The following PDHX variants were observed in gnomAD, a reference collection of about 807,000 sequenced individuals.
The protein encoded by PDHX is pyruvate dehydrogenase protein X component, mitochondrial.
A neutral mutation model predicts 55.3 loss-of-function variants in PDHX; 33 were observed. The observed-to-expected ratio is 0.60, with a 90% CI of 0.45 to 0.80. The LOEUF is 0.80. Among genes scored for constraint, PDHX ranks in the 30% least tolerant of loss-of-function variants. The pLI is 0.00. For missense variants in PDHX, 622 were observed against 619.9 expected, an observed-to-expected ratio of 1.00 and a Z score of -0.04; for synonymous variants, 226 against 219.4, an observed-to-expected ratio of 1.03 and a Z score of -0.27.
At position 34,938,520 on chromosome 11, in the gene PDHX, A is replaced by G. The variant is rs1454063064; in HGVS notation, c.241+7036A>G. On this transcript the variant is annotated intron_variant, in intron 2 of 10. Transcript: ENST00000227868. ...TGTGTTTTTAGGTTTCTTTTCTCTGATGAATTACAGAGCTTTGGCTATTTC... is the reference window on the plus strand; with the variant it reads ...TGTGTTTTTAGGTTTCTTTTCTCTGGTGAATTACAGAGCTTTGGCTATTTC... Among the ~76,000 whole-genome samples, 4 of 152,236 alleles carry G rather than the reference A, an allele frequency of 2.6e-5. No homozygotes were observed. In the East Asian group the frequency reaches 5.8e-4, roughly 22 times the overall value.
At chr11:34,926,084 C>T (rs900530299) in intron 1 of PDHX, among the ~76,000 whole-genome samples, 1 of 152,140 alleles carries the variant, frequency 6.6e-6, no homozygotes, top group Non-Finnish European at 1.5e-5. Flanking sequence ...GGTCCATTGA[C>T]ATTTTCAGTC....
intron 5 of PDHX, among the ~76,000 whole-genome samples, chr11:34,965,192 A>T (rs2133979636): frequency 6.6e-6 from 1 of 152,270 alleles, no homozygotes; most frequent in East Asian, 1.9e-4. Context: ...ACTCATGTGA[A>T]GCTTGGGGTC....
intron 1 of PDHX, among the ~76,000 whole-genome samples, chr11:34,925,795 G>A (rs1360926580): frequency 6.6e-6 from 1 of 152,158 alleles, no homozygotes; most frequent in Non-Finnish European, 1.5e-5. Flanking sequence ...TTTGAGCACT[G>A]ACATGATGCT....
intron 1 of PDHX, among the ~76,000 whole-genome samples, chr11:34,929,910 C>A (rs1334585830): frequency 6.6e-6 from 1 of 152,224 alleles, no homozygotes; most frequent in African/African-American, 2.4e-5. Flanking sequence ...CTGATAGTTA[C>A]ATTGGATTGG....
Position 34,970,230 on chromosome 11 carries a change from C to T in PDHX, c.908C>T (p.Ala303Val). 6.2e-7 allele frequency: 1 copy of T among 1,613,178 alleles called. No homozygotes were observed. The highest frequency in any genetic ancestry group is 8.5e-7 in the Non-Finnish European group (1 of 1,179,186). The change falls in exon 7 of 11, where the codon GCT (alanine) becomes GTT (valine). Residue 303 changes from alanine (A) to valine (V), a missense_variant. Physicochemically the swap from Ala to Val is moderately conservative, Grantham distance 64. Coordinates refer to ENST00000227868, the MANE Select transcript of PDHX (RefSeq NM_003477.3). ...AAAAGTACTGTACCTCATGCATATG[C>T]TACTGCTGACTGTGACCTTGGAGCT... is the stretch of plus-strand genomic sequence containing the variant. Reference protein sequence around the residue: ...ESKSTVPHAYATADCDLGAVL... With the variant: ...ESKSTVPHAYVTADCDLGAVL...
chr11:34,966,567 A>T (rs372832411), intron 5 of PDHX, 73 bp from the exon 6 acceptor site: 10 of 1,353,884 alleles, frequency 7.4e-6, no homozygotes, highest in Non-Finnish European at 1.1e-5. Context: ...TCCACATCTC[A>T]CCTGCGTTTT....
intron 9 of PDHX, among the ~76,000 whole-genome samples, chr11:34,988,613 C>T (rs1034773015): frequency 4.1e-5 from 6 of 146,742 alleles, no homozygotes; most frequent in African/African-American, 1.5e-4. Flanking sequence ...CAGAAATTAA[C>T]AAGAAGAATA....
In PDHX at chr11:34,916,810, T is replaced by G. The variant is rs772315120; in HGVS notation, c.155T>G (p.Leu52Arg). ...AGATGGTTTCACAGCACGCAGTGGC[T>G]TCGGGGTGAGTGGCCGGGGCTCGCT... is the stretch of plus-strand genomic sequence containing the variant. ...NWRWFHSTQW[L>R]RGDPIKILMP... The change falls in exon 1 of 11, where the codon CTT (leucine) becomes CGT (arginine). Residue 52 changes from leucine to arginine, a missense_variant. Transcript: ENST00000227868. 8 of 1,574,964 alleles carry G rather than the reference T, an allele frequency of 5.1e-6. No individual in the cohort carries two copies. In the East Asian group the frequency reaches 1.4e-4, roughly 28 times the overall value.
chr11:34,932,177 A>G (rs1854193878), intron 2 of PDHX, among the ~76,000 whole-genome samples: 1 of 152,200 alleles, frequency 6.6e-6, no homozygotes, highest in Admixed American at 6.5e-5. Context: ...AAATGAAACT[A>G]TGCAAGTCTT....
At chr11:34,939,108 C>G (rs1198033282) in intron 2 of PDHX, among the ~76,000 whole-genome samples, 1 of 150,898 alleles carries the variant, frequency 6.6e-6, no homozygotes, top group Non-Finnish European at 1.5e-5. Flanking sequence ...TTAAGTATGC[C>G]TGGTTCTTGG....
intron 3 of PDHX, among the ~76,000 whole-genome samples, chr11:34,948,224 A>T (rs1186091763): frequency 1.3e-5 from 2 of 152,196 alleles, no homozygotes; most frequent in Non-Finnish European, 2.9e-5. Flanking sequence ...AATAAATGTT[A>T]CTTTTCCCAT....
Position 34,980,611 on chromosome 11 carries a change from G to A in PDHX, c.1023+2429G>A, listed in dbSNP as rs151002383. ...AATTTCAAATCTTCTGAGGGTTTGG[G>A]ACTTTATTCTTTTAACATAATGATA... On this transcript the variant is annotated intron_variant, in intron 8 of 10. Transcript: ENST00000227868. Among the ~76,000 whole-genome samples, 928 of 151,894 alleles carry A rather than the reference G, an allele frequency of 6.1e-3. 5 individuals carry two copies. The highest frequency in any genetic ancestry group is 0.021 in the African/African-American group (880 of 41,450).
rs1235420340 is a variant in PDHX, at chr11:34,918,286, AAAAG to A, written c.160+1479_160+1482del. Reference sequence around the variant, plus strand: ...ACCCCCGTCTCTACTTAAAAAAAAAAAAAGAAAGAAAAAAAGCCAGGCGTGCTGG... The same window carrying A: ...ACCCCCGTCTCTACTTAAAAAAAAAAAAAGAAAAAAAGCCAGGCGTGCTGG... On this transcript the variant is annotated intron_variant, in intron 1 of 10. Transcript: ENST00000227868. Among the ~76,000 whole-genome samples the A allele has an allele frequency of 5.9e-5, 9 of 151,618 alleles. No individual in the cohort carries two copies. In the East Asian group the frequency reaches 9.7e-4, roughly 16 times the overall value.
chr11:34,933,275 A>G (rs775784956), intron 2 of PDHX, among the ~76,000 whole-genome samples: 12 of 152,160 alleles, frequency 7.9e-5, no homozygotes, highest in Non-Finnish European at 1.6e-4. Context: ...TCTCTCTCTC[A>G]ATTTGCTTAC....
chr11:34,963,662 G>A (rs1053466003), intron 5 of PDHX, among the ~76,000 whole-genome samples: 1 of 152,196 alleles, frequency 6.6e-6, no homozygotes, highest in Admixed American at 6.5e-5. Flanking sequence ...TCCAAATGCT[G>A]AAGGAAATGC....
rs766725349 is a variant in PDHX at position 34,984,710 on chromosome 11, A to G, written c.1164A>G (p.Glu388=). 1.7e-5 allele frequency: 28 copies of G among 1,613,940 alleles called. No individual in the cohort carries two copies. Among genetic ancestry groups the G allele is most frequent in the Non-Finnish European group, 2.3e-5 (27 of 1,179,934 alleles). The change falls in exon 9 of 11, where the codon GAA becomes GAG. Residue 388 remains glutamate (E), a synonymous_variant. Transcript: ENST00000227868. ...IKDAAAKGIQ[E]IADSVKALSK... ...ATGCTGCTGCTAAAGGTATCCAGGA[A>G]ATTGCTGACTCTGTAAAGGTATGTC... is the stretch of plus-strand genomic sequence containing the variant.
intron 3 of PDHX, among the ~76,000 whole-genome samples, chr11:34,955,687 A>G (rs1284429032): frequency 6.6e-6 from 1 of 152,164 alleles, no homozygotes; most frequent in Non-Finnish European, 1.5e-5. Context: ...ACGTTGGTAG[A>G]GTATATATGG....
intron 7 of PDHX, among the ~76,000 whole-genome samples, chr11:34,971,366 A>T: frequency 6.6e-6 from 1 of 152,146 alleles, no homozygotes; most frequent in East Asian, 1.9e-4. Context: ...TGGTAAAAGC[A>T]GATATTTTTG....
intron 5 of PDHX, among the ~76,000 whole-genome samples, chr11:34,963,713 G>A (rs576765696): frequency 1.3e-5 from 2 of 152,306 alleles, no homozygotes; most frequent in South Asian, 4.1e-4. Context: ...TTGGGTATCA[G>A]GGCTGCTATT....
Sources: gnomAD v4.1 joint callset for allele counts (sites outside exome capture counted in the v4.1 genomes callset) on GRCh38, gnomAD v4.1.1 for gene constraint, MANE v1.5 for transcripts, NCBI Gene and HGNC (gene_info 2026-07-23, HGNC 2026-07-21) for gene names.